The following GLI4 variants were observed in gnomAD, a reference collection of about 807,000 sequenced individuals.
The protein encoded by GLI4 is GLI family zinc finger 4, also known as zinc finger protein GLI4.
A neutral mutation model predicts 30.9 loss-of-function variants in GLI4; 34 were observed. The ratio of observed to expected loss-of-function variants is 1.10; its 90% CI spans 0.84 to 1.47. The LOEUF (loss-of-function observed/expected upper bound fraction) is 1.47, where lower values mean the gene tolerates loss of function less well. Ranked by LOEUF, GLI4 falls within the 40% of genes most tolerant of loss-of-function variation. The probability of loss-of-function intolerance (pLI) is 0.00; values close to 1 mark genes in which losing one functional copy is unlikely to be tolerated. For missense variants in GLI4, 696 were observed against 538.9 expected, an observed-to-expected ratio of 1.29 and a Z score of -2.89; for synonymous variants, 277 against 236.7, an observed-to-expected ratio of 1.17 and a Z score of -1.56.
chr8:143,267,522 C>T (rs1378114654), intron 1 of GLI4, 38 bp downstream of exon 1: 1 of 986,296 alleles, frequency 1.0e-6, no homozygotes, highest in Admixed American at 6.2e-5. Context: ...CTCCGGGTGC[C>T]TGGGACCAGC....
At chr8:143,275,233 C>A in intron 3 of GLI4, 1 of 1,530,758 alleles carries the variant, frequency 6.5e-7, no homozygotes, top group Non-Finnish European at 8.7e-7. Context: ...GTGTCCAGGT[C>A]CCCTGCACCT....
chr8:143,273,604 A>G (rs1035657903), intron 2 of GLI4, among the ~76,000 whole-genome samples: 1 of 151,476 alleles, frequency 6.6e-6, no homozygotes, highest in African/African-American at 2.4e-5. Flanking sequence ...GAGGCTGGAA[A>G]GCCCCATGAA....
At chr8:143,269,946 G>A (rs7387960) in intron 2 of GLI4, among the ~76,000 whole-genome samples, 61,997 of 152,100 alleles carry the variant, frequency 0.41, 15,157 homozygotes, top group East Asian at 0.69. Context: ...GGGACAGAGC[G>A]CCAGCCTTGC....
rs61732223 is a variant in GLI4 at position 143,276,753 on chromosome 8, C to T, written c.1080C>T (p.Phe360=). ...CGTGTGGCGCCTGCGGCAAGGCCTT[C>T]GGCCAGAGCTCCCAGCTCATCCAGC... ...PFACGACGKA[F]GQSSQLIQHQ... is the part of the protein sequence containing the mutation. The change falls in exon 4 of 4, where the codon TTC becomes TTT. Residue 360 remains phenylalanine (F), a synonymous_variant. Transcript: ENST00000340042. 7.1e-4 allele frequency: 1,139 copies of T among 1,605,220 alleles called. 5 individuals carry two copies. The highest frequency in any genetic ancestry group is 4.6e-3 in the African/African-American group (341 of 74,856).
rs1243395548 is a variant in GLI4 at position 143,276,376 on chromosome 8, G to A, written c.703G>A (p.Gly235Ser). ...GFIQHHRIHT[G>S]EKPYECGQCG... is the part of the protein sequence containing the mutation. The stretch of plus-strand genomic sequence containing the variant: ...CATCCAGCACCACCGCATCCACACG[G>A]GCGAGAAGCCCTACGAGTGCGGCCA... Residue 235 changes from glycine (G) to serine (S), a missense_variant, in exon 4 of 4, where the codon GGC (glycine) becomes AGC (serine). Coordinates refer to ENST00000340042, the MANE Select transcript of GLI4 (RefSeq NM_138465.4). 1.2e-6 allele frequency: 2 copies of A among 1,612,468 alleles called. No individual in the cohort carries two copies. Among genetic ancestry groups the A allele is most frequent in the African/African-American group, 1.3e-5 (1 of 74,844 alleles).
intron 3 of GLI4, chr8:143,275,383 C>T (rs1200561448): frequency 1.4e-6 from 2 of 1,399,246 alleles, no homozygotes; most frequent in African/African-American, 1.5e-5. Flanking sequence ...GGAAAGAGAC[C>T]CTGGGCCAGA....
At chr8:143,274,905 T>C in intron 3 of GLI4, 103 bp downstream of exon 3, 1 of 1,485,116 alleles carries the variant, frequency 6.7e-7, no homozygotes, top group Non-Finnish European at 9.0e-7. Context: ...CACCACCCCC[T>C]TCCTGGGGCC....
At position 143,275,305 on chromosome 8, in the gene GLI4, A is replaced by G. The variant is rs2129688113; in HGVS notation, c.223+503A>G. The G allele has an allele frequency of 4.8e-6, 7 of 1,466,714 alleles. No individual in the cohort carries two copies. The East Asian group carries it at 1.8e-4, about 37-fold the overall frequency. 90.9% of individuals were successfully genotyped at this position (1,466,714 alleles called of 1,614,324 possible). A position where few individuals can be genotyped will look rare whatever the true frequency, so the allele number is the denominator to read the frequency against. The stretch of plus-strand genomic sequence containing the variant: ...TGTTAGTGATATGGCTGGATTTAAC[A>G]GTGCTGAGCCCTCGCCCACATCTGG... On this transcript the variant is annotated intron_variant, in intron 3 of 3. Transcript: ENST00000340042.
chr8:143,273,572 C>T (rs1033738380), intron 2 of GLI4, among the ~76,000 whole-genome samples: 2 of 152,268 alleles, frequency 1.3e-5, no homozygotes, highest in South Asian at 2.1e-4. Flanking sequence ...GTCACCCCAC[C>T]GCAGCTGGGG....
chr8:143,272,199 C>T (rs1815283439), intron 2 of GLI4, among the ~76,000 whole-genome samples: 1 of 152,148 alleles, frequency 6.6e-6, no homozygotes, highest in South Asian at 2.1e-4. Flanking sequence ...AGGGAGGACC[C>T]CATGGGCAGG....
intron 2 of GLI4, among the ~76,000 whole-genome samples, chr8:143,270,376 G>A (rs966172626): frequency 1.3e-5 from 2 of 152,232 alleles, no homozygotes; most frequent in Non-Finnish European, 1.5e-5. Context: ...CCAGGACCAG[G>A]GTGAGTTAGA....
chr8:143,271,697 C>T (rs1009568226), intron 2 of GLI4, among the ~76,000 whole-genome samples: 6 of 152,180 alleles, frequency 3.9e-5, no homozygotes, highest in African/African-American at 1.4e-4. Flanking sequence ...TGCTGGGCAC[C>T]AGGCCGTGAC....
rs750493847 is a variant in GLI4, at chr8:143,274,770, A to T, written c.191A>T (p.Glu64Val). The T allele has an allele frequency of 6.4e-7, 1 of 1,570,066 alleles. No homozygotes were observed. The highest frequency in any genetic ancestry group is 1.2e-5 in the South Asian group (1 of 86,254). The change falls in exon 3 of 4, where the codon GAA (glutamate) becomes GTA (valine). Residue 64 changes from glutamate to valine, a missense_variant. By Grantham distance (121) the Glu-to-Val change is moderately radical. Transcript: ENST00000340042. ...GACCTGGATCTCCAAGACGTAGAGG[A>T]AGTGGAGATCGGCAGAGACACCTTC... ...PSDLDLQDVE[E>V]VEIGRDTFWP... is the part of the protein sequence containing the mutation.
At position 143,268,207 on chromosome 8, in the gene GLI4, C is replaced by T. The variant is rs981627306; in HGVS notation, c.-38+723C>T. 35 of 547,122 alleles carry T rather than the reference C, an allele frequency of 6.4e-5. No homozygotes were observed. The South Asian group carries it at 2.3e-3, about 37-fold the overall frequency. The allele number at this position is 547,122 out of a possible 1,614,324, so 33.9% of individuals were successfully genotyped here. A position where few individuals can be genotyped will look rare whatever the true frequency, so the allele number is the denominator to read the frequency against. ...CCCATCATTAGGGGATGGAGGCTGG[C>T]CCAGAAGCCGGGCACTGGGGTGGCG... On this transcript the variant is annotated intron_variant, in intron 1 of 3. Coordinates refer to ENST00000340042, the MANE Select transcript of GLI4 (RefSeq NM_138465.4).
chr8:143,267,808 C>G (rs1815170714), intron 1 of GLI4: 1 of 985,338 alleles, frequency 1.0e-6, no homozygotes, highest in Non-Finnish European at 1.2e-6. Context: ...GAGGTCCCGC[C>G]GCTCCGGAGC....
chr8:143,267,712 G>T (rs907324049), intron 1 of GLI4: 13 of 985,288 alleles, frequency 1.3e-5, no homozygotes, highest in African/African-American at 1.7e-5. Context: ...GCGATAGCGG[G>T]TGTCCGTTCG....
At chr8:143,274,621 G>T in intron 2 of GLI4, 83 bp from the exon 3 acceptor site, 2 of 1,397,986 alleles carry the variant, frequency 1.4e-6, no homozygotes, top group South Asian at 1.4e-5. Context: ...CAGGGCCACA[G>T]CCCGGGAGCA....
chr8:143,276,575 G>T lies in GLI4; in HGVS notation c.902G>T (p.Gly301Val). ...AAGCCCTACGCCTGCAGCCAGTGCG[G>T]CAAGGCCTTCATCTGGAGCTCCGTG... ...GEKPYACSQCGKAFIWSSVLI... is the reference protein window; with the variant it reads ...GEKPYACSQCVKAFIWSSVLI... Residue 301 changes from glycine to valine, a missense_variant, in exon 4 of 4, where the codon GGC (glycine) becomes GTC (valine). Physicochemically the swap from Gly to Val is moderately radical, Grantham distance 109 (BLOSUM62 -3). Transcript: ENST00000340042. 1 of 1,612,264 alleles carries T rather than the reference G, an allele frequency of 6.2e-7. No individual in the cohort carries two copies. Among genetic ancestry groups the T allele is most frequent in the Non-Finnish European group, 8.5e-7 (1 of 1,179,508 alleles).
intron 2 of GLI4, among the ~76,000 whole-genome samples, chr8:143,271,340 C>T (rs1815264204): frequency 6.6e-6 from 1 of 152,194 alleles, no homozygotes; most frequent in Non-Finnish European, 1.5e-5. Context: ...CGGCCTTCAT[C>T]CCCTCTTCAT....
Sources: allele counts gnomAD v4.1 joint callset (sites outside exome capture counted in the v4.1 genomes callset), GRCh38; gene constraint gnomAD v4.1.1; transcripts MANE v1.5; gene names NCBI Gene and HGNC (gene_info 2026-07-23, HGNC 2026-07-21).